The following SUPT3H variants were observed in gnomAD, a reference collection of about 807,000 sequenced individuals.
SUPT3H encodes the protein SPT3 homolog, SAGA and STAGA complex component.
Under a neutral mutation model 44.3 loss-of-function variants are expected in SUPT3H, and 44 were observed. The observed-to-expected ratio is 0.99, with a 90% CI of 0.78 to 1.28. The LOEUF (loss-of-function observed/expected upper bound fraction) is 1.28, where lower values mean the gene tolerates loss of function less well. Among genes scored for constraint, SUPT3H ranks in the 50% most tolerant of loss-of-function variants. SUPT3H has a pLI of 0.00. For missense variants in SUPT3H, 380 were observed against 387.1 expected, an observed-to-expected ratio of 0.98 and a Z score of 0.15; for synonymous variants, 124 against 125.6, an observed-to-expected ratio of 0.99 and a Z score of 0.09.
chr6:44,851,224 G>T (rs996356503), intron 10 of SUPT3H, among the ~76,000 whole-genome samples: 2 of 152,094 alleles, frequency 1.3e-5, no homozygotes, highest in African/African-American at 2.4e-5. Context: ...TACATATAAA[G>T]ATGTACTTAA....
At chr6:45,346,361 G>A (rs1790858393) in intron 2 of SUPT3H, among the ~76,000 whole-genome samples, 1 of 152,036 alleles carries the variant, frequency 6.6e-6, no homozygotes, top group South Asian at 2.1e-4. Context: ...AAACGAAGAA[G>A]GGTGAGAGGG....
chr6:44,892,764 G>A (rs1486517708), intron 10 of SUPT3H, among the ~76,000 whole-genome samples: 1 of 152,112 alleles, frequency 6.6e-6, no homozygotes, highest in Non-Finnish European at 1.5e-5. Context: ...CAGATTAGTG[G>A]TAGAGCCCAG....
At chr6:45,069,745 G>T (rs1794080861) in intron 3 of SUPT3H, among the ~76,000 whole-genome samples, 1 of 151,936 alleles carries the variant, frequency 6.6e-6, no homozygotes, top group African/African-American at 2.4e-5. Context: ...ATTTTGCAGA[G>T]AACTCTTATT....
chr6:44,940,632 G>A (rs1772250203), intron 9 of SUPT3H, among the ~76,000 whole-genome samples: 1 of 152,100 alleles, frequency 6.6e-6, no homozygotes, highest in African/African-American at 2.4e-5. Flanking sequence ...TCAACAGGGT[G>A]TTGAAGTTGT....
chr6:45,006,065 C>T (rs1418690165), intron 5 of SUPT3H, among the ~76,000 whole-genome samples: 3 of 151,858 alleles, frequency 2.0e-5, no homozygotes, highest in Non-Finnish European at 4.4e-5. Context: ...TACCCTTTAT[C>T]CTTCTATAAA....
intron 2 of SUPT3H, among the ~76,000 whole-genome samples, chr6:45,188,524 T>G (rs1402474622): frequency 6.6e-6 from 1 of 152,154 alleles, no homozygotes; most frequent in Non-Finnish European, 1.5e-5. Context: ...GTTTAATGCA[T>G]CCACTGGGGG....
intron 6 of SUPT3H, among the ~76,000 whole-genome samples, chr6:44,997,797 G>A (rs186005482): frequency 0.018 from 2,662 of 151,816 alleles, 51 homozygotes; most frequent in South Asian, 0.086. Flanking sequence ...TTATCATGAA[G>A]TAGAAGGACT....
chr6:44,839,400 C>T (rs1249990295), intron 10 of SUPT3H, among the ~76,000 whole-genome samples: 1 of 151,922 alleles, frequency 6.6e-6, no homozygotes, highest in East Asian at 1.9e-4. Context: ...CAATCTCCCA[C>T]ACTCAAGCAA....
At chr6:45,197,627 G>A (rs1208315302) in intron 2 of SUPT3H, 1 of 346,890 alleles carries the variant, frequency 2.9e-6, no homozygotes, top group Non-Finnish European at 5.7e-6. Flanking sequence ...AAGTTTTGTG[G>A]TATTTGCAGA....
intron 3 of SUPT3H, chr6:45,098,564 C>T (rs1798115503): frequency 3.3e-6 from 1 of 304,194 alleles, no homozygotes; most frequent in Non-Finnish European, 6.4e-6. Context: ...AACATCCATG[C>T]AGACATGAGA....
intron 10 of SUPT3H, among the ~76,000 whole-genome samples, chr6:44,833,844 A>T (rs1432181935): frequency 6.6e-6 from 1 of 152,126 alleles, no homozygotes; most frequent in East Asian, 1.9e-4. Context: ...TAACAAACTC[A>T]GTTCTTGCTA....
intron 2 of SUPT3H, among the ~76,000 whole-genome samples, chr6:45,157,249 T>C (rs1353547788): frequency 1.3e-5 from 2 of 152,076 alleles, no homozygotes; most frequent in Non-Finnish European, 2.9e-5. Flanking sequence ...AAAATGGTTA[T>C]CAATTTTTAT....
intron 5 of SUPT3H, among the ~76,000 whole-genome samples, chr6:45,006,831 C>T (rs749860719): frequency 2.6e-5 from 4 of 152,036 alleles, no homozygotes; most frequent in Admixed American, 1.3e-4. Context: ...AGAAATTTAG[C>T]GCTTATATTG....
At chr6:45,353,074 C>T (rs778295953) in intron 2 of SUPT3H, among the ~76,000 whole-genome samples, 2 of 151,780 alleles carry the variant, frequency 1.3e-5, no homozygotes, top group Non-Finnish European at 2.9e-5. Context: ...GTTAACCGGC[C>T]CACTCATTAG....
At chr6:45,176,086 T>C (rs1259554615) in intron 2 of SUPT3H, among the ~76,000 whole-genome samples, 1 of 152,128 alleles carries the variant, frequency 6.6e-6, no homozygotes, top group Admixed American at 6.5e-5. Context: ...GATGGCCGAA[T>C]AGGAACAGCT....
chr6:45,169,429 A>G lies in SUPT3H; in HGVS notation c.102-63423T>C, dbSNP rs139517761. Reference sequence around the variant, plus strand: ...CTCCCAGACAAAATAATCATTTGCTATGATCCAACTGTATGCAGCACTAGA... The same window carrying G: ...CTCCCAGACAAAATAATCATTTGCTGTGATCCAACTGTATGCAGCACTAGA... On this transcript the variant is annotated intron_variant, in intron 2 of 10. Coordinates refer to ENST00000371459, the MANE Select transcript of SUPT3H (RefSeq NM_003599.4). 2.1e-3 allele frequency among the ~76,000 whole-genome samples: 325 copies of G among 152,332 alleles called. 1 individual carries two copies. Among genetic ancestry groups the G allele is most frequent in the African/African-American group, 7.5e-3 (311 of 41,580 alleles).
intron 2 of SUPT3H, among the ~76,000 whole-genome samples, chr6:45,355,859 T>C (rs997109852): frequency 1.3e-5 from 2 of 152,196 alleles, no homozygotes; most frequent in Non-Finnish European, 2.9e-5. Flanking sequence ...TTATTTTTGT[T>C]GAATAAATAA....
intron 10 of SUPT3H, among the ~76,000 whole-genome samples, chr6:44,892,376 G>A (rs1763442346): frequency 6.6e-6 from 1 of 152,230 alleles, no homozygotes; most frequent in East Asian, 1.9e-4. Context: ...GAGAAGGTAG[G>A]TGGTCATCTA....
chr6:45,331,752 T>C (rs1787563271), intron 2 of SUPT3H, among the ~76,000 whole-genome samples: 1 of 151,996 alleles, frequency 6.6e-6, no homozygotes, highest in South Asian at 2.1e-4. Context: ...AATCCGTCTC[T>C]ATATCACAAG....
Sources: gnomAD v4.1 joint callset for allele counts (sites outside exome capture counted in the v4.1 genomes callset) on GRCh38, gnomAD v4.1.1 for gene constraint, MANE v1.5 for transcripts, NCBI Gene and HGNC (gene_info 2026-07-23, HGNC 2026-07-21) for gene names.